Variants in UGGT1 observed in about 807,000 individuals in gnomAD.
UGGT1 encodes the protein UDP-glucose glycoprotein glucosyltransferase 1, also known as UDP-glucose:glycoprotein glucosyltransferase 1.
In UGGT1, 107 loss-of-function variants were observed where a neutral mutation model predicts 203.9. The ratio of observed to expected loss-of-function variants is 0.52; its 90% confidence interval spans 0.45 to 0.62. The LOEUF is 0.62. Among genes scored for constraint, UGGT1 ranks in the 20% least tolerant of loss-of-function variants. The probability of loss-of-function intolerance (pLI) is 0.00; values close to 1 mark genes in which losing one functional copy is unlikely to be tolerated. For synonymous variants in UGGT1, 628 were observed against 653.5 expected (o/e 0.96, Z 0.59); for missense variants, 1,673 against 1,867.2 (o/e 0.90, Z 1.92).
chr2:128,157,010 G>A (rs1690269281), intron 21 of UGGT1, among the ~76,000 whole-genome samples: 1 of 152,198 alleles, frequency 6.6e-6, no homozygotes, highest in African/African-American at 2.4e-5. Context: ...GCCCAGACCA[G>A]TGCATTAATC....
intron 26 of UGGT1, among the ~76,000 whole-genome samples, chr2:128,165,554 A>G (rs528063307): frequency 6.6e-6 from 1 of 152,104 alleles, no homozygotes; most frequent in South Asian, 2.1e-4. Context: ...AAAATTAGCC[A>G]GTCATGGTGG....
intron 39 of UGGT1, 117 bp from the exon 40 acceptor site, chr2:128,187,317 CTGGTAGTATATCATT>C: frequency 1.1e-6 from 1 of 923,762 alleles, no homozygotes; most frequent in Non-Finnish European, 1.6e-6. Context: ...CATATTGCTT[CTGGTAGTATATCATT>C]TGGTTCCTTA....
intron 13 of UGGT1, among the ~76,000 whole-genome samples, chr2:128,130,639 T>C (rs564373936): frequency 6.6e-6 from 1 of 152,340 alleles, no homozygotes; most frequent in Admixed American, 6.5e-5. Flanking sequence ...TTTAACTGTT[T>C]TCTTGGGGGA....
In UGGT1 at chr2:128,152,053, C is replaced by T. The variant is rs76783323; in HGVS notation, c.2017-731C>T. 9.5e-3 allele frequency among the ~76,000 whole-genome samples: 1,447 copies of T among 152,310 alleles called. 23 individuals are homozygous for T. Among genetic ancestry groups the T allele is most frequent in the African/African-American group, 0.032 (1,322 of 41,556 alleles). On this transcript the variant is annotated intron_variant, in intron 18 of 40. Coordinates refer to ENST00000259253, the MANE Select transcript of UGGT1 (RefSeq NM_020120.4). ...GGGAAGAATAAATGACAATGATTTC[C>T]TATCCTCTCATTGTAATTCTGACTC...
At chr2:128,133,403 C>T in intron 14 of UGGT1, 143 bp downstream of exon 14, 1 of 1,168,580 alleles carries the variant, frequency 8.6e-7, no homozygotes, top group South Asian at 1.4e-5. Context: ...CCTGTTCACA[C>T]TGGAAAGGCT....
intron 38 of UGGT1, among the ~76,000 whole-genome samples, chr2:128,186,034 AACCACC>A (rs1558832276): frequency 6.6e-6 from 1 of 152,206 alleles, no homozygotes; most frequent in Admixed American, 6.5e-5. Flanking sequence ...AAAATTTACG[AACCACC>A]ACTCTATTTA....
intron 26 of UGGT1, 119 bp downstream of exon 26, chr2:128,164,944 A>G (rs1298214620): frequency 1.4e-6 from 1 of 736,654 alleles, no homozygotes; most frequent in Non-Finnish European, 2.1e-6. Flanking sequence ...CAGGAATTGA[A>G]CATTTGTTTG....
rs1347026576 is a variant in UGGT1 at position 128,120,422 on chromosome 2, T to C, written c.939T>C (p.Asn313=). The change falls in exon 9 of 41, where the codon AAT becomes AAC. Residue 313 remains asparagine, a synonymous_variant. Transcript: ENST00000259253. The part of the protein sequence containing the change: ...ELRKHLVEST[N]EMAPLKVWQL... ...GAAAGCATCTTGTAGAGAGCACCAA[T>C]GAAATGGCACCTTTAAAGGTTTGGC... 15 of 1,614,014 alleles carry C rather than the reference T, an allele frequency of 9.3e-6. No individual in the cohort carries two copies. Among genetic ancestry groups the C allele is most frequent in the Non-Finnish European group, 1.3e-5 (15 of 1,179,942 alleles).
intron 17 of UGGT1, 63 bp from the exon 18 acceptor site, chr2:128,145,740 C>A: frequency 7.2e-7 from 1 of 1,398,034 alleles, no homozygotes; most frequent in Non-Finnish European, 9.5e-7. Context: ...GAAAAATATG[C>A]TGTGTTCCAT....
chr2:128,128,473 A>G (rs1688713929), intron 12 of UGGT1, among the ~76,000 whole-genome samples: 1 of 151,888 alleles, frequency 6.6e-6, no homozygotes, highest in Admixed American at 6.6e-5. Context: ...CACCATGCCC[A>G]GCTATTTTTT....
rs79054323 is a variant in UGGT1 at position 128,092,586 on chromosome 2, T to C, written c.58+1171T>C. 9.8e-3 allele frequency among the ~76,000 whole-genome samples: 1,417 copies of C among 145,310 alleles called. 13 individuals are homozygous for C. The highest frequency in any genetic ancestry group is 0.014 in the Middle Eastern group (4 of 286). On this transcript the variant is annotated intron_variant, in intron 1 of 40. Transcript: ENST00000259253. ...CCTGTAACAATACAAGATGATGTGA[T>C]AATTTTCTTTCTTTCTTTCTTTTTT...
At position 128,091,301 on chromosome 2, in the gene UGGT1, C is replaced by A; in HGVS notation, c.-57C>A. The stretch of plus-strand genomic sequence containing the variant: ...AGCCTGCACTGCCGCTGCCGCCTCG[C>A]CCCGCCCTGCCCTGGCGTTGTCTCT... On this transcript the variant is annotated 5_prime_UTR_variant, in exon 1 of 41. Coordinates refer to ENST00000259253, the MANE Select transcript of UGGT1 (RefSeq NM_020120.4). 6.7e-7 allele frequency: 1 copy of A among 1,484,580 alleles called. No homozygotes were observed. Among genetic ancestry groups the A allele is most frequent in the South Asian group, 1.3e-5 (1 of 79,134 alleles). 92.0% of individuals were successfully genotyped at this position (1,484,580 alleles called of 1,614,324 possible).
In UGGT1 at chr2:128,120,221, A is replaced by AT. The variant is rs554495327; in HGVS notation, c.873-129dup. ...TTTTAAAGAGGAATAATTATACTTC[A>AT]TTTTTTCCCCCTATGTCGTAGAAAA... On this transcript the variant is annotated intron_variant, in intron 8 of 40. Transcript: ENST00000259253. The AT allele has an allele frequency of 1.9e-4, 131 of 687,906 alleles. No individual in the cohort carries two copies. The African/African-American group carries it at 2.1e-3, about 11-fold the overall frequency. 42.6% of individuals were successfully genotyped at this position (687,906 alleles called of 1,614,324 possible).
intron 16 of UGGT1, 53 bp downstream of exon 16, chr2:128,138,905 A>T (rs1689274421): frequency 6.2e-7 from 1 of 1,606,120 alleles, no homozygotes; most frequent in African/African-American, 1.3e-5. Context: ...ACTTACTCTT[A>T]ATAACAATGT....
chr2:128,175,361 G>A (rs908893960), intron 31 of UGGT1, among the ~76,000 whole-genome samples: 1 of 152,168 alleles, frequency 6.6e-6, no homozygotes, highest in African/African-American at 2.4e-5. Flanking sequence ...TTACCTTAAG[G>A]TTTACTGCAC....
intron 36 of UGGT1, 97 bp downstream of exon 36, chr2:128,181,169 C>T (rs766634526): frequency 6.7e-6 from 8 of 1,186,564 alleles, no homozygotes; most frequent in Middle Eastern, 2.0e-4. Flanking sequence ...AAAGGACATG[C>T]TTATTTTACA....
In UGGT1 at chr2:128,189,883, C is replaced by A; in HGVS notation, c.*141C>A. The A allele has an allele frequency of 1.1e-6, 1 of 908,220 alleles. No individual in the cohort carries two copies. Among genetic ancestry groups the A allele is most frequent in the Non-Finnish European group, 1.7e-6 (1 of 590,474 alleles). 56.3% of individuals were successfully genotyped at this position (908,220 alleles called of 1,614,324 possible). On this transcript the variant is annotated 3_prime_UTR_variant, in exon 41 of 41. Transcript: ENST00000259253. ...ACCTTTTGATTCTGAGCATTTGATT[C>A]TGACTTCTGTACTCTGGTGGCCACT...
chr2:128,174,439 C>T (rs1399804640), intron 30 of UGGT1, among the ~76,000 whole-genome samples: 3 of 151,434 alleles, frequency 2.0e-5, no homozygotes, highest in South Asian at 2.1e-4. Context: ...GCTGGGATTA[C>T]GGGCACCCAC....
chr2:128,111,805 T>G (rs13031865), intron 5 of UGGT1, among the ~76,000 whole-genome samples: 46,821 of 151,228 alleles, frequency 0.31, 8,610 homozygotes, highest in Non-Finnish European at 0.4. Flanking sequence ...TATACTTATA[T>G]TTTTAAATAA....
Sources: gnomAD v4.1 joint callset for allele counts (sites outside exome capture counted in the v4.1 genomes callset) on GRCh38, gnomAD v4.1.1 for gene constraint, MANE v1.5 for transcripts, NCBI Gene and HGNC (gene_info 2026-07-23, HGNC 2026-07-21) for gene names.